Variants in MAP4 observed in about 807,000 individuals in gnomAD.
MAP4 encodes the protein microtubule associated protein 4, also known as microtubule-associated protein 4.
In MAP4, 76 loss-of-function variants were observed where a neutral mutation model predicts 170.2. The ratio of observed to expected loss-of-function variants is 0.45; its 90% CI spans 0.37 to 0.54. MAP4 has a LOEUF of 0.54. Ranked by LOEUF, MAP4 falls within the 20% of genes least tolerant of loss-of-function variation. The probability of loss-of-function intolerance (pLI) is 0.00; values close to 1 mark genes in which losing one functional copy is unlikely to be tolerated. For synonymous variants in MAP4, 909 were observed against 994.5 expected, an observed-to-expected ratio of 0.91 and a Z score of 1.62; for missense variants, 2,506 against 2,748.0, an observed-to-expected ratio of 0.91 and a Z score of 1.97.
intron 13 of MAP4, 68 bp from the exon 14 acceptor site, chr3:47,871,354 G>T: frequency 1.6e-6 from 2 of 1,226,772 alleles, no homozygotes; most frequent in South Asian, 1.2e-5. Context: ...ATCCAATAGT[G>T]AGATTCCTCA....
intron 1 of MAP4, among the ~76,000 whole-genome samples, chr3:48,065,469 AG>A (rs1261536368): frequency 6.6e-6 from 1 of 152,222 alleles, no homozygotes; most frequent in Non-Finnish European, 1.5e-5. Context: ...ACACAAGGCA[AG>A]GGGGACAGAA....
At chr3:48,032,339 A>T (rs949767608) in intron 1 of MAP4, among the ~76,000 whole-genome samples, 6 of 152,066 alleles carry the variant, frequency 3.9e-5, no homozygotes, top group African/African-American at 1.4e-4. Flanking sequence ...TACTAAAAAA[A>T]AATAATAAAA....
intron 17 of MAP4, among the ~76,000 whole-genome samples, chr3:47,860,993 G>A (rs1412103548): frequency 6.6e-6 from 1 of 152,096 alleles, no homozygotes; most frequent in African/African-American, 2.4e-5. Context: ...GAGGGCTGAC[G>A]CGGGTGGATC....
intron 1 of MAP4, among the ~76,000 whole-genome samples, chr3:48,029,149 T>C (rs947956782): frequency 6.6e-6 from 1 of 151,258 alleles, no homozygotes; most frequent in Admixed American, 6.6e-5. Flanking sequence ...TGTCTCAAAA[T>C]TAAATAAGCC....
chr3:47,858,856 C>T (rs535546962), intron 17 of MAP4, among the ~76,000 whole-genome samples: 35 of 151,984 alleles, frequency 2.3e-4, no homozygotes, highest in Non-Finnish European at 3.5e-4. Context: ...TGGCTGGGCA[C>T]GGTGGCTCAC....
intron 1 of MAP4, among the ~76,000 whole-genome samples, chr3:48,055,519 A>C (rs1303756628): frequency 2.7e-5 from 4 of 146,594 alleles, no homozygotes; most frequent in Admixed American, 2.0e-4. Context: ...AATGGTGCCC[A>C]GGCTGGAGTG....
intron 17 of MAP4, among the ~76,000 whole-genome samples, chr3:47,858,048 A>AG (rs2059548583): frequency 7.9e-6 from 1 of 125,906 alleles, no homozygotes; most frequent in Admixed American, 8.7e-5. Context: ...TTTAAGACAG[A>AG]GTTTCACTCT....
chr3:48,083,092 T>C (rs2100147413), intron 1 of MAP4, among the ~76,000 whole-genome samples: 1 of 152,204 alleles, frequency 6.6e-6, no homozygotes, highest in Non-Finnish European at 1.5e-5. Context: ...TGTGGTATCC[T>C]GGATTGGATC....
chr3:48,014,446 T>C (rs1326465251), intron 1 of MAP4, among the ~76,000 whole-genome samples: 2 of 152,086 alleles, frequency 1.3e-5, no homozygotes, highest in Non-Finnish European at 2.9e-5. Flanking sequence ...AAAAAACTCA[T>C]GAAAAGCTAG....
In MAP4 at chr3:47,850,955, A is replaced by G. The variant is rs2040835569; in HGVS notation, c.*1979T>C. 2 of 151,986 alleles carry G rather than the reference A, an allele frequency of 1.3e-5. No individual in the cohort carries two copies. The highest frequency in any genetic ancestry group is 2.9e-5 in the Non-Finnish European group (2 of 68,076). The allele number at this position is 151,986 out of a possible 1,614,324, so 9.4% of individuals were successfully genotyped here. A position where few individuals can be genotyped will look rare whatever the true frequency, so the allele number is the denominator to read the frequency against. ...ACGCCACTTGGGCCACCTACCCCCA[A>G]CCTTTGGCCAAAGGAGTGAAAGGAC... On this transcript the variant is annotated 3_prime_UTR_variant, in exon 21 of 21. Transcript: ENST00000683076.
chr3:48,023,972 C>T (rs1412237416), intron 1 of MAP4, among the ~76,000 whole-genome samples: 1 of 152,084 alleles, frequency 6.6e-6, no homozygotes, highest in Non-Finnish European at 1.5e-5. Context: ...ACCAAAGATA[C>T]AAAAAGCAAT....
chr3:48,085,110 T>C (rs2100148443), intron 1 of MAP4, among the ~76,000 whole-genome samples: 1 of 150,958 alleles, frequency 6.6e-6, no homozygotes, highest in Non-Finnish European at 1.5e-5. Flanking sequence ...TGCCTTCCAC[T>C]GGGTCAAAAT....
chr3:47,876,421 G>A (rs1406980569), intron 11 of MAP4, among the ~76,000 whole-genome samples: 2 of 152,160 alleles, frequency 1.3e-5, no homozygotes, highest in African/African-American at 4.8e-5. Context: ...GTGAGCCACC[G>A]CGCCTGGCCT....
In MAP4 at chr3:47,995,100, A is replaced by G. The variant is rs1361850050; in HGVS notation, c.223+3538T>C. Among the ~76,000 whole-genome samples the G allele has an allele frequency of 2.6e-5, 4 of 152,250 alleles. No individual in the cohort carries two copies. In the South Asian group the frequency reaches 6.2e-4, roughly 24 times the overall value. On this transcript the variant is annotated intron_variant, in intron 2 of 20. Transcript: ENST00000683076. ...CCTTTGGACCAATTGGATTTTGTACATGTGTATTTTTTAGCCTGTTCAAAA... is the reference window on the plus strand; with the variant it reads ...CCTTTGGACCAATTGGATTTTGTACGTGTGTATTTTTTAGCCTGTTCAAAA...
chr3:47,946,475 G>A (rs2154063922), intron 3 of MAP4, among the ~76,000 whole-genome samples: 1 of 149,968 alleles, frequency 6.7e-6, no homozygotes, highest in African/African-American at 2.4e-5. Context: ...CCAACATGGT[G>A]AAACCCCATC....
intron 16 of MAP4, 75 bp downstream of exon 16, chr3:47,869,139 G>C: frequency 9.0e-7 from 1 of 1,112,754 alleles, no homozygotes; most frequent in Non-Finnish European, 1.4e-6. Context: ...AAGTGCAAGA[G>C]AGGGCATGTG....
At chr3:47,892,279 G>A in intron 10 of MAP4, 1 of 1,536,274 alleles carries the variant, frequency 6.5e-7, no homozygotes, top group Non-Finnish European at 8.7e-7. Flanking sequence ...TCTGCTCCAG[G>A]AAGCTGGCAT....
intron 15 of MAP4, among the ~76,000 whole-genome samples, chr3:47,870,565 C>T (rs1375854070): frequency 6.6e-6 from 1 of 152,200 alleles, no homozygotes; most frequent in Non-Finnish European, 1.5e-5. Context: ...AAAATGTAAA[C>T]TCAGACCCCA....
chr3:48,087,701 G>A (rs1391488611), intron 1 of MAP4, among the ~76,000 whole-genome samples: 1 of 150,786 alleles, frequency 6.6e-6, no homozygotes, highest in Non-Finnish European at 1.5e-5. Flanking sequence ...AGACGCGCGC[G>A]CGCGCACACA....
Sources: gnomAD v4.1 joint callset for allele counts (sites outside exome capture counted in the v4.1 genomes callset) on GRCh38, gnomAD v4.1.1 for gene constraint, MANE v1.5 for transcripts, NCBI Gene and HGNC (gene_info 2026-07-23, HGNC 2026-07-21) for gene names.